The following RNF8 variants were observed in gnomAD, a reference collection of about 807,000 sequenced individuals.
RNF8 encodes E3 ubiquitin-protein ligase RNF8.
RNF8 carries 8 observed loss-of-function variants against 59.3 expected under a neutral mutation model. That is an observed-to-expected ratio of 0.13 (90% CI 0.08 to 0.24). RNF8 has a LOEUF of 0.24. Ranked by LOEUF, RNF8 falls within the 10% of genes least tolerant of loss-of-function variation. The pLI, the probability that RNF8 is intolerant of heterozygous loss-of-function variation, is 1.00. For missense variants in RNF8, 406 were observed against 572.6 expected (o/e 0.71, Z 2.97); for synonymous variants, 162 against 200.0 (o/e 0.81, Z 1.60).
At chr6:37,385,748 C>G (rs1770467515) in intron 7 of RNF8, among the ~76,000 whole-genome samples, 1 of 152,088 alleles carries the variant, frequency 6.6e-6, no homozygotes, top group African/African-American at 2.4e-5. Context: ...TCTATCACCA[C>G]TTCCCTATTC....
chr6:37,386,811 T>C (rs1202161134), intron 7 of RNF8, among the ~76,000 whole-genome samples: 1 of 152,176 alleles, frequency 6.6e-6, no homozygotes. Context: ...CCATCTCTGG[T>C]GTTTAGCAGG....
At chr6:37,362,007 T>A (rs1345424091) in intron 2 of RNF8, among the ~76,000 whole-genome samples, 1 of 152,230 alleles carries the variant, frequency 6.6e-6, no homozygotes, top group Non-Finnish European at 1.5e-5. Flanking sequence ...ATCAGTAAAG[T>A]ATGTAAGCAA....
chr6:37,369,911 A>C (rs1032751617), intron 3 of RNF8: 1 of 152,240 alleles, frequency 6.6e-6, no homozygotes, highest in African/African-American at 2.4e-5. Flanking sequence ...TAAAGGTAAG[A>C]CCAAATGTAT....
At chr6:37,366,199 T>C (rs1342239368) in intron 2 of RNF8, among the ~76,000 whole-genome samples, 1 of 152,226 alleles carries the variant, frequency 6.6e-6, no homozygotes, top group East Asian at 1.9e-4. Flanking sequence ...AGCTGTGGGC[T>C]GTTTCTGTAA....
At chr6:37,387,683 G>T (rs1562099773) in intron 7 of RNF8, among the ~76,000 whole-genome samples, 1 of 152,172 alleles carries the variant, frequency 6.6e-6, no homozygotes, top group Non-Finnish European at 1.5e-5. Context: ...AATGCTAAGT[G>T]CTTGGGGATA....
At chr6:37,380,466 C>A (rs111299137) in intron 6 of RNF8, among the ~76,000 whole-genome samples, 3 of 151,876 alleles carry the variant, frequency 2.0e-5, no homozygotes, top group Admixed American at 6.6e-5. Flanking sequence ...GTCAGGAGAT[C>A]GAGACCATCC....
At chr6:37,371,352 G>T (rs1249904568) in intron 3 of RNF8, among the ~76,000 whole-genome samples, 160 bp from the exon 4 acceptor site, 3 of 152,104 alleles carry the variant, frequency 2.0e-5, no homozygotes, top group Admixed American at 6.6e-5. Context: ...ATTCTTTACT[G>T]CCAACAGCTT....
intron 3 of RNF8, among the ~76,000 whole-genome samples, chr6:37,370,459 C>G (rs1227129059): frequency 1.3e-5 from 2 of 152,190 alleles, no homozygotes; most frequent in East Asian, 3.8e-4. Flanking sequence ...ATATTTGTGG[C>G]TGCTCTGGAC....
chr6:37,361,890 T>G (rs1769338852), intron 2 of RNF8, among the ~76,000 whole-genome samples: 2 of 152,186 alleles, frequency 1.3e-5, no homozygotes, highest in Admixed American at 1.3e-4. Context: ...CTTTAACCCC[T>G]TATGTAGACA....
intron 2 of RNF8, among the ~76,000 whole-genome samples, chr6:37,363,795 A>G (rs533449111): frequency 5.3e-5 from 8 of 152,348 alleles, no homozygotes; most frequent in African/African-American, 1.9e-4. Flanking sequence ...GAATGGATAA[A>G]TTGTGGAATA....
intron 1 of RNF8, among the ~76,000 whole-genome samples, chr6:37,356,048 AC>A: frequency 6.6e-6 from 1 of 152,268 alleles, no homozygotes; most frequent in South Asian, 2.1e-4. Flanking sequence ...GCTTGTCAGT[AC>A]TGCAGTCTTG....
chr6:37,381,420 A>G (rs986591047), intron 7 of RNF8, 66 bp downstream of exon 7: 2 of 1,426,960 alleles, frequency 1.4e-6, no homozygotes, highest in African/African-American at 1.4e-5. Context: ...TTCAACAAAT[A>G]TTTTTGGAAA....
chr6:37,354,003 C>T lies in RNF8; in HGVS notation c.-162C>T. The T allele has an allele frequency of 1.5e-6, 1 of 672,774 alleles. No individual in the cohort carries two copies. Among genetic ancestry groups the T allele is most frequent in the Non-Finnish European group, 2.6e-6 (1 of 388,654 alleles). 41.7% of individuals were successfully genotyped at this position (672,774 alleles called of 1,614,324 possible). A position where few individuals can be genotyped will look rare whatever the true frequency, so the allele number is the denominator to read the frequency against. On this transcript the variant is annotated 5_prime_UTR_variant, in exon 1 of 8. Coordinates refer to ENST00000373479, the MANE Select transcript of RNF8 (RefSeq NM_003958.4). ...CAGGCGTAGTGCTCCTGCTTCCTGG[C>T]CGAGGGCGGGCGAGCGGAGCCTGCT...
chr6:37,354,391 A>C, intron 1 of RNF8, 116 bp downstream of exon 1: 2 of 800,652 alleles, frequency 2.5e-6, no homozygotes, highest in South Asian at 3.6e-5. Context: ...GGCGGGCATC[A>C]GGAAGAGGAG....
intron 7 of RNF8, among the ~76,000 whole-genome samples, 190 bp downstream of exon 7, chr6:37,381,544 C>T (rs935012541): frequency 6.6e-6 from 1 of 152,090 alleles, no homozygotes; most frequent in African/African-American, 2.4e-5. Context: ...GAATTAACCG[C>T]AACTGTTACT....
At chr6:37,382,043 T>G (rs1038641334) in intron 7 of RNF8, among the ~76,000 whole-genome samples, 8 of 152,192 alleles carry the variant, frequency 5.3e-5, no homozygotes, top group Non-Finnish European at 1.2e-4. Flanking sequence ...AGCTACTTGA[T>G]CTGACAGAAT....
At position 37,368,894 on chromosome 6, in the gene RNF8, G is replaced by A. The variant is rs771199654; in HGVS notation, c.651G>A (p.Gly217=). ...LTALEPSKTT[G]APIYPGFPKV... ...CCCTTGAGCCAAGTAAGACCACAGG[G>A]GCTCCCATTTACCCTGGCTTCCCCA... Residue 217 remains glycine, a synonymous_variant, in exon 3 of 8, where the codon GGG becomes GGA. Transcript: ENST00000373479. 1.2e-6 allele frequency: 2 copies of A among 1,614,072 alleles called. No homozygotes were observed. The highest frequency in any genetic ancestry group is 1.7e-6 in the Non-Finnish European group (2 of 1,180,022).
At chr6:37,372,120 C>T (rs1455212710) in intron 4 of RNF8, among the ~76,000 whole-genome samples, 1 of 152,206 alleles carries the variant, frequency 6.6e-6, no homozygotes, top group African/African-American at 2.4e-5. Context: ...TTTAATTTAA[C>T]CTGACTACTC....
rs1210458055 is a variant in RNF8 at position 37,360,875 on chromosome 6, A to T, written c.240+301A>T. On this transcript the variant is annotated intron_variant, in intron 2 of 7. Transcript: ENST00000373479. The surrounding 1 kb of genome is among the most constrained non-coding windows in gnomAD (Gnocchi z 4.2). ...GGGCAAATAAGCCTGTTTGAGGTGA[A>T]GCTCCCAGAGACCCTGGGAATCTGC... is the stretch of plus-strand genomic sequence containing the variant. 6.6e-6 allele frequency among the ~76,000 whole-genome samples: 1 copy of T among 152,084 alleles called. No homozygotes were observed. The highest frequency in any genetic ancestry group is 2.4e-5 in the African/African-American group (1 of 41,410).
Sources: allele counts gnomAD v4.1 joint callset (sites outside exome capture counted in the v4.1 genomes callset), GRCh38; gene constraint gnomAD v4.1.1; non-coding constraint Gnocchi (gnomAD v3.1); transcripts MANE v1.5; gene names NCBI Gene and HGNC (gene_info 2026-07-23, HGNC 2026-07-21).